The following GABRB2 variants were observed in gnomAD, a reference collection of about 807,000 sequenced individuals.
GABRB2 encodes gamma-aminobutyric acid type A receptor subunit beta2.
GABRB2 carries 16 observed loss-of-function variants against 54.7 expected under a neutral mutation model. That is an observed-to-expected ratio of 0.29 (90% CI 0.20 to 0.44). GABRB2 has a LOEUF of 0.44. Ranked by LOEUF, GABRB2 falls within the 20% of genes least tolerant of loss-of-function variation. The pLI is 1.00. For missense variants in GABRB2, 355 were observed against 644.0 expected, an observed-to-expected ratio of 0.55 and a Z score of 4.86; for synonymous variants, 244 against 233.8, an observed-to-expected ratio of 1.04 and a Z score of -0.40.
chr5:161,448,515 AT>A (rs1371732203), intron 4 of GABRB2, among the ~76,000 whole-genome samples: 1 of 152,112 alleles, frequency 6.6e-6, no homozygotes, highest in Non-Finnish European at 1.5e-5. Context: ...ATGCAGAGAT[AT>A]TTCCCTGCAG....
At chr5:161,426,915 G>A (rs1019391490) in intron 4 of GABRB2, among the ~76,000 whole-genome samples, 12 of 152,072 alleles carry the variant, frequency 7.9e-5, no homozygotes, top group Non-Finnish European at 1.6e-4. Flanking sequence ...ATTGTCATAT[G>A]AACAATTTCA....
At chr5:161,458,894 C>T (rs899000216) in intron 4 of GABRB2, among the ~76,000 whole-genome samples, 14 of 152,120 alleles carry the variant, frequency 9.2e-5, no homozygotes, top group African/African-American at 3.4e-4. Flanking sequence ...AACTGAAAAT[C>T]TGAGTTTAGA....
At chr5:161,432,746 C>T (rs1757204212) in intron 4 of GABRB2, among the ~76,000 whole-genome samples, 1 of 151,968 alleles carries the variant, frequency 6.6e-6, no homozygotes, top group African/African-American at 2.4e-5. Flanking sequence ...GTTATTATTT[C>T]CAGTACCTCA....
intron 4 of GABRB2, among the ~76,000 whole-genome samples, chr5:161,431,320 G>C (rs1757165899): frequency 6.6e-6 from 1 of 152,070 alleles, no homozygotes; most frequent in Non-Finnish European, 1.5e-5. Flanking sequence ...TTAATACTCT[G>C]AGTGAGGTCA....
At chr5:161,482,505 TA>T (rs1170078304) in intron 3 of GABRB2, among the ~76,000 whole-genome samples, 3 of 152,112 alleles carry the variant, frequency 2.0e-5, no homozygotes, top group African/African-American at 7.2e-5. Context: ...GTTAATACTG[TA>T]GCTCCCTTCT....
intron 4 of GABRB2, among the ~76,000 whole-genome samples, chr5:161,457,145 T>G (rs1490799725): frequency 6.6e-6 from 1 of 152,214 alleles, no homozygotes; most frequent in Non-Finnish European, 1.5e-5. Context: ...TAATCTTCTC[T>G]TCACAATTAA....
chr5:161,421,196 C>A (rs1344864267), intron 4 of GABRB2, among the ~76,000 whole-genome samples: 2 of 152,128 alleles, frequency 1.3e-5, no homozygotes, highest in African/African-American at 4.8e-5. Flanking sequence ...CAGAAGCAGA[C>A]CCTGAAGGAC....
intron 4 of GABRB2, among the ~76,000 whole-genome samples, chr5:161,423,904 T>A (rs535507170): frequency 6.6e-6 from 1 of 152,248 alleles, no homozygotes; most frequent in South Asian, 2.1e-4. Context: ...TAAGAAAGCA[T>A]AACAACATTA....
At chr5:161,386,235 T>A (rs1755627062) in intron 5 of GABRB2, among the ~76,000 whole-genome samples, 1 of 152,016 alleles carries the variant, frequency 6.6e-6, no homozygotes, top group Non-Finnish European at 1.5e-5. Flanking sequence ...TCCCATAAAA[T>A]CTCCTAGCCT....
chr5:161,497,235 A>C (rs930672042), intron 3 of GABRB2, among the ~76,000 whole-genome samples: 4 of 152,162 alleles, frequency 2.6e-5, no homozygotes, highest in Admixed American at 2.6e-4. Flanking sequence ...TCCATAAGGC[A>C]GCAGTGTCCC....
At chr5:161,482,754 T>A (rs1024815043) in intron 3 of GABRB2, among the ~76,000 whole-genome samples, 1 of 152,122 alleles carries the variant, frequency 6.6e-6, no homozygotes, top group African/African-American at 2.4e-5. Context: ...ACAAGGCTAA[T>A]AAAATACTAT....
intron 5 of GABRB2, among the ~76,000 whole-genome samples, chr5:161,354,767 T>C (rs1269775343): frequency 1.3e-5 from 2 of 152,078 alleles, no homozygotes; most frequent in Non-Finnish European, 2.9e-5. Flanking sequence ...TCTGACTGTG[T>C]TCCTGCCCAC....
At chr5:161,441,745 TATAAACA>T (rs574628825) in intron 4 of GABRB2, among the ~76,000 whole-genome samples, 3 of 152,288 alleles carry the variant, frequency 2.0e-5, no homozygotes, top group African/African-American at 7.2e-5. Flanking sequence ...ATGTGATACC[TATAAACA>T]ATAGAGTCCT....
chr5:161,545,432 T>G (rs1454539730), intron 2 of GABRB2, 138 bp from the exon 3 acceptor site: 2 of 422,320 alleles, frequency 4.7e-6, no homozygotes, highest in Admixed American at 6.9e-5. Flanking sequence ...CTCTGCTTTT[T>G]TTGTTAAAAA....
At chr5:161,398,880 G>T (rs949339284) in intron 5 of GABRB2, among the ~76,000 whole-genome samples, 1 of 152,038 alleles carries the variant, frequency 6.6e-6, no homozygotes, top group African/African-American at 2.4e-5. Context: ...AGTAGAGACT[G>T]GGTTTCACTA....
intron 5 of GABRB2, among the ~76,000 whole-genome samples, chr5:161,350,042 G>T (rs1187148772): frequency 6.6e-6 from 1 of 152,082 alleles, no homozygotes; most frequent in Non-Finnish European, 1.5e-5. Context: ...TAGCAAATTA[G>T]GTATAGAAGG....
intron 3 of GABRB2, among the ~76,000 whole-genome samples, chr5:161,539,015 G>A (rs902232939): frequency 1.3e-5 from 2 of 152,122 alleles, no homozygotes; most frequent in African/African-American, 4.8e-5. Flanking sequence ...AAAAACAGCA[G>A]CACTTTTCTC....
At chr5:161,379,255 A>G (rs561595039) in intron 5 of GABRB2, among the ~76,000 whole-genome samples, 2 of 152,266 alleles carry the variant, frequency 1.3e-5, no homozygotes, top group East Asian at 3.9e-4. Flanking sequence ...TTAAATGCCA[A>G]CAAAAGCAAA....
At chr5:161,302,532 G>A (rs1462978384) in intron 9 of GABRB2, among the ~76,000 whole-genome samples, 1 of 152,132 alleles carries the variant, frequency 6.6e-6, no homozygotes, top group Non-Finnish European at 1.5e-5. Context: ...TTGCAAAGGG[G>A]AAATGGGACT....
Sources: gnomAD v4.1 joint callset for allele counts (sites outside exome capture counted in the v4.1 genomes callset) on GRCh38, gnomAD v4.1.1 for gene constraint, MANE v1.5 for transcripts, NCBI Gene and HGNC (gene_info 2026-07-23, HGNC 2026-07-21) for gene names.